Variants in PBRM1 observed in about 807,000 individuals in gnomAD.
PBRM1 encodes protein polybromo-1.
Under a neutral mutation model 194.5 loss-of-function variants are expected in PBRM1, and 27 were observed. The ratio of observed to expected loss-of-function variants is 0.14; its 90% CI spans 0.10 to 0.19. The LOEUF is 0.19. PBRM1 is among the 10% of genes least tolerant of loss of function. The probability of loss-of-function intolerance (pLI) is 1.00; values close to 1 mark genes in which losing one functional copy is unlikely to be tolerated. For synonymous variants in PBRM1, 655 were observed against 693.2 expected (o/e 0.94, Z 0.87); for missense variants, 1,466 against 2,077.2 (o/e 0.71, Z 5.72).
intron 15 of PBRM1, among the ~76,000 whole-genome samples, chr3:52,611,346 C>T (rs2094597173): frequency 1.3e-5 from 2 of 152,094 alleles, no homozygotes; most frequent in Admixed American, 6.6e-5. Flanking sequence ...AACAGAAAGC[C>T]ATAAATAGAT....
intron 17 of PBRM1, among the ~76,000 whole-genome samples, chr3:52,591,475 T>G (rs1244795003): frequency 6.6e-6 from 1 of 151,978 alleles, no homozygotes; most frequent in East Asian, 1.9e-4. Flanking sequence ...AAAAAGCCTT[T>G]TCTACATCTA....
chr3:52,594,329 G>A (rs1285532141), intron 17 of PBRM1, among the ~76,000 whole-genome samples: 1 of 152,156 alleles, frequency 6.6e-6, no homozygotes, highest in Non-Finnish European at 1.5e-5. Context: ...ATTATGTAGT[G>A]CCCTTCTTTG....
At chr3:52,549,431 G>A (rs892321442) in intron 29 of PBRM1, among the ~76,000 whole-genome samples, 3 of 152,244 alleles carry the variant, frequency 2.0e-5, no homozygotes, top group Non-Finnish European at 4.4e-5. Flanking sequence ...CTCCCAAAGT[G>A]GGAGCCACCG....
rs1193644455 is a variant in PBRM1, at chr3:52,550,851, C to G, written c.4610-34G>C. 4.2e-6 allele frequency: 6 copies of G among 1,429,546 alleles called. No individual in the cohort carries two copies. In the Admixed American group the frequency reaches 8.7e-5, roughly 21 times the overall value. 88.6% of individuals were successfully genotyped at this position (1,429,546 alleles called of 1,614,324 possible). A position where few individuals can be genotyped will look rare whatever the true frequency, so the allele number is the denominator to read the frequency against. Reference sequence around the variant, plus strand: ...CAGAATGCAATGGCACAGTTAGAGGCTCTGGGTTGAAATGACTGAAAAACT... The same window carrying G: ...CAGAATGCAATGGCACAGTTAGAGGGTCTGGGTTGAAATGACTGAAAAACT... On this transcript the variant is annotated intron_variant, in intron 27 of 29. Transcript: ENST00000296302.
upstream of PBRM1, among the ~76,000 whole-genome samples, chr3:52,684,385 GACAA>G (rs370945256): frequency 7.3e-3 from 1,104 of 152,066 alleles, 13 homozygotes; most frequent in African/African-American, 0.025. Flanking sequence ...ACTTACTATA[GACAA>G]ACAGTGTATT....
At chr3:52,676,021 G>A (rs1213340504) in intron 2 of PBRM1, among the ~76,000 whole-genome samples, 2 of 92,744 alleles carry the variant, frequency 2.2e-5, no homozygotes, top group African/African-American at 4.7e-5. Context: ...AGGCTGAGGC[G>A]GGAGAATGGC....
chr3:52,648,261 A>G (rs748852213), intron 7 of PBRM1, 83 bp downstream of exon 8: 9 of 787,432 alleles, frequency 1.1e-5, no homozygotes, highest in South Asian at 1.1e-4. Context: ...ATATCTCAAT[A>G]AAGTTGTTTT....
At chr3:52,643,180 G>T (rs2096171271) in intron 9 of PBRM1, 68 bp downstream of exon 10, 3 of 1,087,784 alleles carry the variant, frequency 2.8e-6, no homozygotes, top group South Asian at 2.5e-5. Context: ...ATAGCCATTG[G>T]GCAAATACTA....
At chr3:52,608,438 A>G (rs909583238) in intron 16 of PBRM1, among the ~76,000 whole-genome samples, 13 of 152,218 alleles carry the variant, frequency 8.5e-5, no homozygotes, top group African/African-American at 2.9e-4. Context: ...CTGGTGCTTA[A>G]CACAAGCAGC....
intron 15 of PBRM1, among the ~76,000 whole-genome samples, chr3:52,614,008 G>C (rs910313510): frequency 5.9e-5 from 9 of 152,090 alleles, no homozygotes; most frequent in Non-Finnish European, 1.2e-4. Context: ...GCCTTAAAAA[G>C]GATTCATCGC....
downstream of PBRM1, chr3:52,547,970 C>A: frequency 5.8e-6 from 6 of 1,027,842 alleles, no homozygotes; most frequent in Admixed American, 2.5e-5. Context: ...AAAAATTATC[C>A]TCCTTTGTTC....
intron 3 of PBRM1, among the ~76,000 whole-genome samples, chr3:52,667,846 G>A (rs2096870907): frequency 6.6e-6 from 1 of 151,190 alleles, no homozygotes; most frequent in African/African-American, 2.4e-5. Context: ...GATCACTTGA[G>A]GCCAGGAGTT....
chr3:52,598,713 A>C (rs1018622147), intron 17 of PBRM1, among the ~76,000 whole-genome samples: 3 of 152,088 alleles, frequency 2.0e-5, no homozygotes, highest in African/African-American at 7.2e-5. Flanking sequence ...GCAAGATCTC[A>C]TCTCTACAAG....
At chr3:52,682,336 A>T (rs2154077159), upstream of PBRM1, 1 of 151,392 alleles carries the variant, frequency 6.6e-6, no homozygotes, top group East Asian at 1.9e-4. Context: ...CAAAAGTCCT[A>T]TCTGCATTGG....
At chr3:52,660,988 ATTCTTTT>A (rs1053376652) in intron 4 of PBRM1, among the ~76,000 whole-genome samples, 2 of 152,150 alleles carry the variant, frequency 1.3e-5, no homozygotes, top group Admixed American at 6.5e-5. Context: ...CCCCTCTACT[ATTCTTTT>A]TTCTCTTTTC....
At chr3:52,583,775 T>G (rs949380085) in intron 20 of PBRM1, among the ~76,000 whole-genome samples, 2 of 152,142 alleles carry the variant, frequency 1.3e-5, no homozygotes, top group African/African-American at 4.8e-5. Flanking sequence ...GAAAAAAAAT[T>G]ATAGGTAAAT....
At chr3:52,554,011 G>C (rs1559821080) in intron 27 of PBRM1, among the ~76,000 whole-genome samples, 2 of 152,184 alleles carry the variant, frequency 1.3e-5, no homozygotes, top group South Asian at 4.1e-4. Context: ...GGTTGCCCAG[G>C]CTGGTCTTGA....
At chr3:52,546,347 T>G (rs1020392234), downstream of PBRM1, 2 of 231,398 alleles carry the variant, frequency 8.6e-6, no homozygotes, top group Non-Finnish European at 1.7e-5. Context: ...CTGACTCACT[T>G]TAACAATAAG....
chr3:52,615,562 C>G, intron 14 of PBRM1, 106 bp from the exon 17 acceptor site: 1 of 706,798 alleles, frequency 1.4e-6, no homozygotes, highest in South Asian at 1.8e-5. Flanking sequence ...TAGTTGGGAG[C>G]TTAAAGAAAA....
Sources: allele counts gnomAD v4.1 joint callset (sites outside exome capture counted in the v4.1 genomes callset), GRCh38; gene constraint gnomAD v4.1.1; transcripts MANE v1.5; gene names NCBI Gene and HGNC (gene_info 2026-07-23, HGNC 2026-07-21).